Variants in AOPEP observed in about 807,000 individuals in gnomAD.
AOPEP encodes aminopeptidase O (putative), also known as aminopeptidase O.
A neutral mutation model predicts 98.1 loss-of-function variants in AOPEP; 77 were observed. That is an observed-to-expected ratio of 0.78 (90% CI 0.65 to 0.95). The LOEUF is 0.95. Ranked by LOEUF, AOPEP falls within the 40% of genes least tolerant of loss-of-function variation. The pLI is 0.00. For synonymous variants in AOPEP, 346 were observed against 365.3 expected (o/e 0.95, Z 0.60); for missense variants, 1,024 against 1,024.7 (o/e 1.00, Z 0.01).
chr9:94,963,906 T>C (rs2059018674), intron 9 of AOPEP, among the ~76,000 whole-genome samples: 1 of 152,184 alleles, frequency 6.6e-6, no homozygotes, highest in Admixed American at 6.5e-5. Context: ...AAAGCTTCTG[T>C]CATAAGTCCA....
Position 94,838,220 on chromosome 9 carries a change from A to C in AOPEP, c.1364+37218A>C, listed in dbSNP as rs375156869. On this transcript the variant is annotated intron_variant, in intron 5 of 16. Transcript: ENST00000375315. ...GAGATGGGGTTTCACTGCATTAGCC[A>C]GGCTGGTCTTGATCTCCTGACCTTG... Among the ~76,000 whole-genome samples, 10 of 152,292 alleles carry C rather than the reference A, an allele frequency of 6.6e-5. No individual in the cohort carries two copies. The South Asian group carries it at 2.1e-3, about 32-fold the overall frequency.
chr9:94,891,160 G>A (rs1017502231), intron 5 of AOPEP, among the ~76,000 whole-genome samples: 1 of 152,186 alleles, frequency 6.6e-6, no homozygotes, highest in Non-Finnish European at 1.5e-5. Flanking sequence ...ATAGCTTCTT[G>A]GCAGAGAGTA....
intron 13 of AOPEP, among the ~76,000 whole-genome samples, chr9:95,041,503 A>G (rs1351228422): frequency 6.6e-6 from 1 of 151,042 alleles, no homozygotes; most frequent in African/African-American, 2.4e-5. Flanking sequence ...ACACTAAAAA[A>G]GTACAATAAG....
intron 11 of AOPEP, among the ~76,000 whole-genome samples, chr9:94,982,160 C>T (rs1187889406): frequency 6.6e-6 from 1 of 152,052 alleles, no homozygotes; most frequent in Non-Finnish European, 1.5e-5. Flanking sequence ...AAGAAGTACA[C>T]ATTTACTTTG....
At chr9:95,075,733 A>C (rs2068977561) in intron 14 of AOPEP, among the ~76,000 whole-genome samples, 2 of 152,176 alleles carry the variant, frequency 1.3e-5, no homozygotes, top group South Asian at 4.1e-4. Context: ...GTAATTAAAA[A>C]AAAATTAGCT....
chr9:94,888,699 G>A (rs1241817362), intron 5 of AOPEP, among the ~76,000 whole-genome samples: 1 of 152,152 alleles, frequency 6.6e-6, no homozygotes. Flanking sequence ...CCCCTATGAG[G>A]TTGGGGTCTA....
intron 5 of AOPEP, among the ~76,000 whole-genome samples, chr9:94,922,043 G>A (rs1277761078): frequency 6.6e-6 from 1 of 152,120 alleles, no homozygotes; most frequent in African/African-American, 2.4e-5. Context: ...ATTGAAGGGT[G>A]GGGAGGGAAG....
At chr9:94,742,627 G>T (rs1188482896) in intron 1 of AOPEP, among the ~76,000 whole-genome samples, 1 of 151,904 alleles carries the variant, frequency 6.6e-6, no homozygotes, top group African/African-American at 2.4e-5. Context: ...TAGAGACAGG[G>T]TTTCACCATG....
chr9:94,728,493 C>T (rs1829790883), intron 1 of AOPEP, among the ~76,000 whole-genome samples: 1 of 152,200 alleles, frequency 6.6e-6, no homozygotes, highest in African/African-American at 2.4e-5. Flanking sequence ...TTTGACCTCA[C>T]TGTGCCCGGT....
chr9:94,914,992 T>C (rs1171314431), intron 5 of AOPEP, among the ~76,000 whole-genome samples: 1 of 152,234 alleles, frequency 6.6e-6, no homozygotes, highest in Non-Finnish European at 1.5e-5. Context: ...TGTTTTCTTA[T>C]CTAGCGGACC....
intron 1 of AOPEP, among the ~76,000 whole-genome samples, chr9:94,740,382 C>T (rs1360793515): frequency 1.3e-5 from 2 of 152,168 alleles, no homozygotes; most frequent in Non-Finnish European, 2.9e-5. Flanking sequence ...TCTTTGCTAT[C>T]TCTTGGAATT....
rs187801305 is a variant in AOPEP, at chr9:95,004,432, G to A, written c.1978-726G>A. On this transcript the variant is annotated intron_variant, in intron 11 of 16. Transcript: ENST00000375315. ...CGGGGCTGGGTTTCTCTGCGCCCTG[G>A]CCTCGCCCCCCGGGAGGTCACCTGC... 9.2e-3 allele frequency: 3,457 copies of A among 376,226 alleles called. 27 individuals are homozygous for A. The highest frequency in any genetic ancestry group is 0.014 in the Non-Finnish European group (2,538 of 186,212). 23.3% of individuals were successfully genotyped at this position (376,226 alleles called of 1,614,324 possible).
At chr9:94,941,092 AG>A (rs2056963110) in intron 7 of AOPEP, among the ~76,000 whole-genome samples, 1 of 152,226 alleles carries the variant, frequency 6.6e-6, no homozygotes, top group Non-Finnish European at 1.5e-5. Flanking sequence ...AAATCGCTAG[AG>A]GTAAGAATTG....
intron 3 of AOPEP, among the ~76,000 whole-genome samples, chr9:94,788,491 TG>T (rs200834643): frequency 2.8e-4 from 43 of 151,996 alleles, no homozygotes; most frequent in Admixed American, 6.5e-4. Context: ...TCTTATGCTT[TG>T]TTTTTTTTTT....
intron 5 of AOPEP, among the ~76,000 whole-genome samples, chr9:94,845,020 A>G (rs1441146326): frequency 6.6e-6 from 1 of 152,246 alleles, no homozygotes; most frequent in Non-Finnish European, 1.5e-5. Flanking sequence ...TGCAAGCACT[A>G]TTCCAGGTGC....
intron 5 of AOPEP, among the ~76,000 whole-genome samples, chr9:94,862,640 C>T (rs1458716574): frequency 6.6e-6 from 1 of 152,234 alleles, no homozygotes. Context: ...GGGCCAGCGC[C>T]TCCCTGGAAC....
At chr9:95,000,929 T>A (rs1423497626) in intron 11 of AOPEP, among the ~76,000 whole-genome samples, 4 of 152,152 alleles carry the variant, frequency 2.6e-5, no homozygotes, top group Non-Finnish European at 5.9e-5. Flanking sequence ...TATTGAAAGA[T>A]CTTTCGGTTT....
intron 5 of AOPEP, among the ~76,000 whole-genome samples, chr9:94,886,715 C>G (rs1236103935): frequency 2.0e-5 from 3 of 152,158 alleles, no homozygotes; most frequent in Admixed American, 6.5e-5. Flanking sequence ...AGTGCAGTCA[C>G]ATTTTATGCA....
chr9:94,857,918 G>A (rs1367391979), intron 5 of AOPEP, among the ~76,000 whole-genome samples: 1 of 152,036 alleles, frequency 6.6e-6, no homozygotes, highest in African/African-American at 2.4e-5. Context: ...GGGCTTTGAA[G>A]CATTTTTTAT....
Sources: gnomAD v4.1 joint callset for allele counts (sites outside exome capture counted in the v4.1 genomes callset) on GRCh38, gnomAD v4.1.1 for gene constraint, MANE v1.5 for transcripts, NCBI Gene and HGNC (gene_info 2026-07-23, HGNC 2026-07-21) for gene names.